CBLN2: variants seen among roughly 807,000 people sequenced by gnomAD.
CBLN2 encodes cerebellin 2 precursor, also known as cerebellin-2.
CBLN2 carries 7 observed loss-of-function variants against 15.0 expected under a neutral mutation model. The observed-to-expected ratio is 0.47, with a 90% CI of 0.27 to 0.88. CBLN2 has a LOEUF of 0.88. Among genes scored for constraint, CBLN2 ranks in the 40% least tolerant of loss-of-function variants. CBLN2 has a pLI of 0.14. For missense variants in CBLN2, 242 were observed against 304.5 expected, an observed-to-expected ratio of 0.79 and a Z score of 1.53; for synonymous variants, 149 against 135.2, an observed-to-expected ratio of 1.10 and a Z score of -0.71.
intron 1 of CBLN2, among the ~76,000 whole-genome samples, chr18:72,598,302 G>T (rs2069525926): frequency 6.6e-6 from 1 of 152,150 alleles, no homozygotes; most frequent in Non-Finnish European, 1.5e-5. Flanking sequence ...CCAAGGAAAT[G>T]GGTTCCCTTC....
At chr18:72,544,392 C>T (rs2069142978), upstream of CBLN2, 1 of 152,184 alleles carries the variant, frequency 6.6e-6, no homozygotes, top group Admixed American at 6.5e-5. Flanking sequence ...GGTGTCCGCG[C>T]TCGCTCAAAG....
At chr18:72,557,699 A>G (rs1412022205) in intron 1 of CBLN2, among the ~76,000 whole-genome samples, 1 of 152,210 alleles carries the variant, frequency 6.6e-6, no homozygotes, top group Non-Finnish European at 1.5e-5. Flanking sequence ...GTGGGAACTG[A>G]AAAATGAGAA....
At position 72,538,079 on chromosome 18, in the gene CBLN2, G is replaced by GAAACAAGGTGTCC. The variant is rs2069080227; in HGVS notation, c.*84_*96dup. 1 of 1,230,150 alleles carries GAAACAAGGTGTCC rather than the reference G, an allele frequency of 8.1e-7. No homozygotes were observed. Among genetic ancestry groups the GAAACAAGGTGTCC allele is most frequent in the African/African-American group, 1.5e-5 (1 of 67,046 alleles). The allele number at this position is 1,230,150 out of a possible 1,614,324, so 76.2% of individuals were successfully genotyped here. A position where few individuals can be genotyped will look rare whatever the true frequency, so the allele number is the denominator to read the frequency against. Reference sequence around the variant, plus strand: ...TACTGCAACAGTCTGACGGAGGTTGGAAACAAGGTGTCCAATTCCAGTAAG... The same window carrying GAAACAAGGTGTCC: ...TACTGCAACAGTCTGACGGAGGTTGGAAACAAGGTGTCCAAACAAGGTGTCCAATTCCAGTAAG... On this transcript the variant is annotated 3_prime_UTR_variant, in exon 5 of 5. Coordinates refer to ENST00000269503, the MANE Select transcript of CBLN2 (RefSeq NM_182511.4).
chr18:72,610,192 T>G (rs781106846), intron 1 of CBLN2, among the ~76,000 whole-genome samples: 1 of 152,162 alleles, frequency 6.6e-6, no homozygotes, highest in Non-Finnish European at 1.5e-5. Context: ...GTTTTTAGCC[T>G]GAGCCTCAGC....
At chr18:72,627,262 T>C (rs2144974631) in intron 1 of CBLN2, among the ~76,000 whole-genome samples, 1 of 152,348 alleles carries the variant, frequency 6.6e-6, no homozygotes, top group Admixed American at 6.5e-5. Flanking sequence ...TTTGACTGTT[T>C]GCTTTTCTTC....
intron 1 of CBLN2, among the ~76,000 whole-genome samples, chr18:72,609,472 A>G (rs1250683558): frequency 2.0e-5 from 3 of 152,108 alleles, no homozygotes; most frequent in Non-Finnish European, 4.4e-5. Flanking sequence ...GAAACCAGGC[A>G]TGCTGACACC....
chr18:72,541,057 G>C (rs1178935931), intron 3 of CBLN2, among the ~76,000 whole-genome samples: 1 of 152,158 alleles, frequency 6.6e-6, no homozygotes, highest in Admixed American at 6.5e-5. Flanking sequence ...GTTTAGAAAG[G>C]CCTGATCATA....
upstream of CBLN2, among the ~76,000 whole-genome samples, chr18:72,547,908 T>C (rs2069168536): frequency 6.6e-6 from 1 of 152,236 alleles, no homozygotes; most frequent in Admixed American, 6.5e-5. Context: ...TTCCAAAATA[T>C]GTTTTCTTTT....
At chr18:72,615,569 G>A (rs956664919) in intron 1 of CBLN2, among the ~76,000 whole-genome samples, 4 of 152,000 alleles carry the variant, frequency 2.6e-5, no homozygotes, top group African/African-American at 9.7e-5. Flanking sequence ...GAGCCACCGT[G>A]CCTGGCCCAA....
In CBLN2 at chr18:72,557,506, A is replaced by G. The variant is rs2069233813; in HGVS notation, c.16-18734T>C. Among the ~76,000 whole-genome samples, 4 of 152,240 alleles carry G rather than the reference A, an allele frequency of 2.6e-5. No individual in the cohort carries two copies. The South Asian group carries it at 8.3e-4, about 32-fold the overall frequency. On this transcript the variant is annotated intron_variant, in intron 1 of 2. Transcript: ENST00000581073. ...AATTTTCATTCCTACCAACAATGTA[A>G]AAATGTTCCTATTTATCTGTAACCT...
At chr18:72,625,697 ACTAT>A (rs1218283316) in intron 1 of CBLN2, among the ~76,000 whole-genome samples, 2 of 52,718 alleles carry the variant, frequency 3.8e-5, no homozygotes, top group African/African-American at 1.9e-4. Context: ...ATATAGTATT[ACTAT>A]ATATATATAT....
intron 1 of CBLN2, among the ~76,000 whole-genome samples, chr18:72,627,603 A>C (rs2144975019): frequency 6.6e-6 from 1 of 152,328 alleles, no homozygotes; most frequent in East Asian, 1.9e-4. Context: ...CATCTGGGCC[A>C]TGAGGCCGAG....
At chr18:72,598,522 G>C (rs993221873) in intron 1 of CBLN2, among the ~76,000 whole-genome samples, 5 of 152,164 alleles carry the variant, frequency 3.3e-5, no homozygotes, top group Non-Finnish European at 5.9e-5. Flanking sequence ...CTGGGGCAGG[G>C]GTTATGCAAG....
chr18:72,562,324 T>C (rs1028232836), intron 1 of CBLN2, among the ~76,000 whole-genome samples: 1 of 152,142 alleles, frequency 6.6e-6, no homozygotes, highest in Non-Finnish European at 1.5e-5. Flanking sequence ...TGAAATCATA[T>C]AGGAAGAAAA....
At chr18:72,605,247 G>A (rs901369099) in intron 1 of CBLN2, among the ~76,000 whole-genome samples, 9 of 152,022 alleles carry the variant, frequency 5.9e-5, no homozygotes, top group South Asian at 4.2e-4. Context: ...ATTTGAACAC[G>A]CTGTGGAAAT....
intron 1 of CBLN2, among the ~76,000 whole-genome samples, chr18:72,637,969 C>G (rs1202655620): frequency 6.6e-6 from 1 of 152,188 alleles, no homozygotes; most frequent in Admixed American, 6.5e-5. Flanking sequence ...TACGACGGAG[C>G]AGAATGTGAA....
intron 1 of CBLN2, among the ~76,000 whole-genome samples, chr18:72,633,447 A>T (rs1189005504): frequency 6.6e-6 from 1 of 152,212 alleles, no homozygotes; most frequent in African/African-American, 2.4e-5. Flanking sequence ...ATACAAAAAC[A>T]CAGTAGTAAC....
chr18:72,547,450 A>G (rs1179917914), upstream of CBLN2, among the ~76,000 whole-genome samples: 2 of 152,176 alleles, frequency 1.3e-5, no homozygotes, highest in Non-Finnish European at 2.9e-5. Flanking sequence ...TGTACCCCCT[A>G]AATCTATTTT....
intron 1 of CBLN2, among the ~76,000 whole-genome samples, chr18:72,592,294 G>A (rs1168198488): frequency 1.3e-5 from 2 of 151,534 alleles, no homozygotes; most frequent in African/African-American, 2.4e-5. Flanking sequence ...CCATCTGTAT[G>A]TCTTTTTTTT....
Sources: allele counts gnomAD v4.1 joint callset (sites outside exome capture counted in the v4.1 genomes callset), GRCh38; gene constraint gnomAD v4.1.1; transcripts MANE v1.5; gene names NCBI Gene and HGNC (gene_info 2026-07-23, HGNC 2026-07-21).